Variants in VSNL1 observed in about 807,000 individuals in gnomAD.
The protein encoded by VSNL1 is visinin-like protein 1.
VSNL1 carries 6 observed loss-of-function variants against 20.4 expected under a neutral mutation model. That is an observed-to-expected ratio of 0.29 (90% CI 0.16 to 0.58). VSNL1 has a LOEUF of 0.58. VSNL1 is among the 20% of genes least tolerant of loss of function. The pLI, the probability that VSNL1 is intolerant of heterozygous loss-of-function variation, is 0.90. For synonymous variants in VSNL1, 93 were observed against 86.4 expected, an observed-to-expected ratio of 1.08 and a Z score of -0.42; for missense variants, 100 against 234.5, an observed-to-expected ratio of 0.43 and a Z score of 3.75.
chr2:17,544,592 G>T (rs537534996), intron 1 of VSNL1, among the ~76,000 whole-genome samples: 1 of 152,136 alleles, frequency 6.6e-6, no homozygotes, highest in African/African-American at 2.4e-5. Context: ...TTGTGGAGAG[G>T]CTCCCTAGGG....
chr2:17,608,367 G>A (rs1362182134), intron 2 of VSNL1, among the ~76,000 whole-genome samples: 1 of 152,194 alleles, frequency 6.6e-6, no homozygotes, highest in Non-Finnish European at 1.5e-5. Context: ...TCGTGTTAAA[G>A]CTAATATGTC....
At chr2:17,565,478 T>C (rs576484980) in intron 1 of VSNL1, among the ~76,000 whole-genome samples, 2 of 152,304 alleles carry the variant, frequency 1.3e-5, no homozygotes, top group Non-Finnish European at 1.5e-5. Context: ...TGTAGATCTA[T>C]ACAGTATCAT....
At chr2:17,592,711 A>G (rs1664623989) in intron 2 of VSNL1, among the ~76,000 whole-genome samples, 1 of 125,140 alleles carries the variant, frequency 8.0e-6, no homozygotes, top group African/African-American at 2.9e-5. Context: ...TCCAGATAAG[A>G]ACCCAGATTC....
intron 2 of VSNL1, among the ~76,000 whole-genome samples, chr2:17,614,192 C>T (rs970966137): frequency 3.9e-5 from 6 of 152,166 alleles, no homozygotes; most frequent in Admixed American, 1.3e-4. Context: ...CTGTAAGACT[C>T]GGGGGCCCCT....
chr2:17,630,653 G>C (rs1026701262), intron 2 of VSNL1, among the ~76,000 whole-genome samples: 3 of 152,142 alleles, frequency 2.0e-5, no homozygotes, highest in Non-Finnish European at 4.4e-5. Context: ...TATTTTATAA[G>C]CTTGCAATAA....
chr2:17,613,132 T>A (rs768775358), intron 2 of VSNL1, among the ~76,000 whole-genome samples: 1 of 152,160 alleles, frequency 6.6e-6, no homozygotes, highest in Non-Finnish European at 1.5e-5. Flanking sequence ...GACTTCATAC[T>A]GCAGCATCTT....
At chr2:17,583,192 C>T (rs1368152050) in intron 1 of VSNL1, among the ~76,000 whole-genome samples, 1 of 152,172 alleles carries the variant, frequency 6.6e-6, no homozygotes. Flanking sequence ...TCACCCCCTC[C>T]ACCAAATATT....
chr2:17,641,084 T>C lies in VSNL1; in HGVS notation c.163-8326T>C, dbSNP rs560738265. Among the ~76,000 whole-genome samples, 10 of 152,368 alleles carry C rather than the reference T, an allele frequency of 6.6e-5. No individual in the cohort carries two copies. In the South Asian group the frequency reaches 1.0e-3, roughly 16 times the overall value. On this transcript the variant is annotated intron_variant, in intron 2 of 3. Coordinates refer to ENST00000295156, the MANE Select transcript of VSNL1 (RefSeq NM_003385.5). ...CAATGGCATTCCAGTAGGGTTCTAA[T>C]TGAGATGCAGCCAGGCTCAGTGTTC...
intron 1 of VSNL1, among the ~76,000 whole-genome samples, chr2:17,551,242 G>A (rs887857726): frequency 6.6e-6 from 1 of 152,104 alleles, no homozygotes; most frequent in African/African-American, 2.4e-5. Context: ...AGAAACAGCA[G>A]AGCAAGTAAT....
chr2:17,584,055 T>C (rs144250962), intron 1 of VSNL1, among the ~76,000 whole-genome samples: 1 of 152,262 alleles, frequency 6.6e-6, no homozygotes, highest in East Asian at 1.9e-4. Flanking sequence ...ATAACATTAT[T>C]TTATTTGAAA....
At chr2:17,562,548 A>T (rs1185209303) in intron 1 of VSNL1, among the ~76,000 whole-genome samples, 1 of 152,214 alleles carries the variant, frequency 6.6e-6, no homozygotes, top group Non-Finnish European at 1.5e-5. Flanking sequence ...AGATTATATA[A>T]GCATGTGTTC....
At chr2:17,554,511 A>C (rs1234909490) in intron 1 of VSNL1, among the ~76,000 whole-genome samples, 3 of 152,140 alleles carry the variant, frequency 2.0e-5, no homozygotes, top group African/African-American at 7.2e-5. Flanking sequence ...TTTATAATTA[A>C]ATGAAGAAGA....
At chr2:17,606,791 C>T (rs983168390) in intron 2 of VSNL1, among the ~76,000 whole-genome samples, 1 of 152,192 alleles carries the variant, frequency 6.6e-6, no homozygotes, top group Admixed American at 6.5e-5. Flanking sequence ...AATCCAGTTA[C>T]ATGCTTTACT....
intron 2 of VSNL1, among the ~76,000 whole-genome samples, chr2:17,631,810 A>G (rs190657602): frequency 6.6e-6 from 1 of 152,268 alleles, no homozygotes; most frequent in Non-Finnish European, 1.5e-5. Context: ...ACATGCGTGT[A>G]TGTGTAAACA....
At chr2:17,589,664 C>T (rs1194290409) in intron 1 of VSNL1, among the ~76,000 whole-genome samples, 1 of 152,206 alleles carries the variant, frequency 6.6e-6, no homozygotes, top group Non-Finnish European at 1.5e-5. Context: ...GACAATATTT[C>T]CTGTGTGTGT....
chr2:17,579,224 T>C (rs1001156076), intron 1 of VSNL1, among the ~76,000 whole-genome samples: 1 of 152,082 alleles, frequency 6.6e-6, no homozygotes, highest in East Asian at 1.9e-4. Context: ...CATGCCATTC[T>C]CCTGCCTCAG....
intron 1 of VSNL1, among the ~76,000 whole-genome samples, chr2:17,558,730 T>G (rs1454549354): frequency 6.6e-5 from 10 of 152,188 alleles, no homozygotes. Flanking sequence ...TATTTAAAAT[T>G]CAAAGGTCTT....
At chr2:17,568,263 C>T (rs1020396445) in intron 1 of VSNL1, among the ~76,000 whole-genome samples, 7 of 151,860 alleles carry the variant, frequency 4.6e-5, no homozygotes, top group African/African-American at 1.7e-4. Context: ...AACAATTCGG[C>T]TTTGTTTGTT....
intron 1 of VSNL1, among the ~76,000 whole-genome samples, chr2:17,579,682 G>A (rs928659653): frequency 1.3e-5 from 2 of 152,122 alleles, no homozygotes; most frequent in African/African-American, 2.4e-5. Flanking sequence ...ACCTAGCTCT[G>A]GTGCTTTAGG....
Sources: allele counts gnomAD v4.1 joint callset (sites outside exome capture counted in the v4.1 genomes callset), GRCh38; gene constraint gnomAD v4.1.1; transcripts MANE v1.5; gene names NCBI Gene and HGNC (gene_info 2026-07-23, HGNC 2026-07-21).